SKAP1: variants seen among roughly 807,000 people sequenced by gnomAD.
SKAP1 encodes src kinase-associated phosphoprotein 1.
Under a neutral mutation model 58.5 loss-of-function variants are expected in SKAP1, and 44 were observed. The ratio of observed to expected loss-of-function variants is 0.75; its 90% CI spans 0.59 to 0.97. SKAP1 has a LOEUF of 0.97. SKAP1 is among the 50% of genes least tolerant of loss of function. The pLI is 0.00. For synonymous variants in SKAP1, 127 were observed against 149.7 expected, an observed-to-expected ratio of 0.85 and a Z score of 1.11; for missense variants, 390 against 435.2, an observed-to-expected ratio of 0.90 and a Z score of 0.92.
intron 3 of SKAP1, among the ~76,000 whole-genome samples, chr17:48,359,967 AT>A (rs2066916279): frequency 6.6e-6 from 1 of 152,226 alleles, no homozygotes; most frequent in African/African-American, 2.4e-5. Context: ...CCATTTCAAA[AT>A]GAGATTTTTA....
chr17:48,436,760 C>T, the SKAP1 span, among the ~76,000 whole-genome samples: 3 of 152,076 alleles, frequency 2.0e-5, no homozygotes, highest in African/African-American at 4.8e-5. Flanking sequence ...CTTTCTCCTC[C>T]GTCTCTTAAC....
upstream of SKAP1, among the ~76,000 whole-genome samples, chr17:48,433,781 G>C (rs905600939): frequency 1.3e-5 from 2 of 152,206 alleles, no homozygotes; most frequent in African/African-American, 4.8e-5. Flanking sequence ...CGCACTGTCA[G>C]CAGACAGAAG....
intron 2 of SKAP1, among the ~76,000 whole-genome samples, chr17:48,391,108 C>CA (rs1178319377): frequency 6.6e-6 from 1 of 151,960 alleles, no homozygotes; most frequent in Non-Finnish European, 1.5e-5. Context: ...ACAACAACAA[C>CA]AACATCAAAA....
intron 1 of SKAP1, among the ~76,000 whole-genome samples, chr17:48,405,455 TTTC>T (rs747245976): frequency 0.1 from 8,971 of 88,910 alleles, 308 homozygotes; most frequent in African/African-American, 0.16. Flanking sequence ...CTTTCTTTTC[TTTC>T]TTTCTTTCCT....
At chr17:48,220,720 G>C (rs1158142075) in intron 4 of SKAP1, among the ~76,000 whole-genome samples, 2 of 151,940 alleles carry the variant, frequency 1.3e-5, no homozygotes, top group Non-Finnish European at 2.9e-5. Flanking sequence ...GGGCGTGGTT[G>C]CACATGCCTG....
intron 11 of SKAP1, among the ~76,000 whole-genome samples, chr17:48,158,416 A>G (rs1211105823): frequency 4.0e-5 from 6 of 149,752 alleles, no homozygotes; most frequent in African/African-American, 1.5e-4. Context: ...AAAAGAAAAG[A>G]AATTAGCCAG....
At chr17:48,204,504 T>C (rs551072608) in intron 4 of SKAP1, 1 of 152,310 alleles carries the variant, frequency 6.6e-6, no homozygotes, top group African/African-American at 2.4e-5. Context: ...GTCCTAACTA[T>C]AAAGTCAAGA....
chr17:48,138,271 C>A (rs1438611798), intron 11 of SKAP1, among the ~76,000 whole-genome samples: 1 of 151,612 alleles, frequency 6.6e-6, no homozygotes, highest in African/African-American at 2.4e-5. Context: ...GTGGCAAGAT[C>A]TCAGCTCACT....
chr17:48,411,690 T>C (rs1422655733), intron 1 of SKAP1, among the ~76,000 whole-genome samples: 1 of 152,188 alleles, frequency 6.6e-6, no homozygotes, highest in Non-Finnish European at 1.5e-5. Context: ...ACACTTGACA[T>C]GATGGGACGA....
the SKAP1 span, among the ~76,000 whole-genome samples, chr17:48,437,564 G>A: frequency 3.3e-5 from 5 of 151,994 alleles, no homozygotes; most frequent in South Asian, 4.2e-4. Context: ...CCAACACAGC[G>A]AAATCCCATC....
intron 4 of SKAP1, among the ~76,000 whole-genome samples, chr17:48,268,264 T>TA (rs758430323): frequency 0.011 from 1,422 of 124,192 alleles, 8 homozygotes; most frequent in African/African-American, 0.019. Context: ...AAAGACTACT[T>TA]AAAAAAAAAA....
chr17:48,246,696 A>G (rs1218169854), intron 4 of SKAP1, among the ~76,000 whole-genome samples: 1 of 152,178 alleles, frequency 6.6e-6, no homozygotes, highest in African/African-American at 2.4e-5. Flanking sequence ...AACAGTGCAG[A>G]GATCTCTGAG....
intron 3 of SKAP1, among the ~76,000 whole-genome samples, chr17:48,354,363 TC>T (rs2066847394): frequency 6.6e-6 from 1 of 152,224 alleles, no homozygotes; most frequent in Non-Finnish European, 1.5e-5. Context: ...TGAAAAAGTA[TC>T]TCTTTATTTA....
At chr17:48,243,088 T>C (rs1172705441) in intron 4 of SKAP1, among the ~76,000 whole-genome samples, 2 of 152,228 alleles carry the variant, frequency 1.3e-5, no homozygotes, top group Admixed American at 1.3e-4. Flanking sequence ...TGGACTGTGA[T>C]GTAAAATGTA....
intron 4 of SKAP1, among the ~76,000 whole-genome samples, chr17:48,275,762 G>A (rs1264648887): frequency 6.6e-6 from 1 of 152,158 alleles, no homozygotes; most frequent in African/African-American, 2.4e-5. Context: ...TGCTGCTGCT[G>A]CTGCTATGAG....
rs2067018755 is a variant in SKAP1 at position 48,367,467 on chromosome 17, G to A, written c.153-3653C>T. ...AACCATGTAAGCCATGTAAGGTGAT[G>A]AATGTATTAATTAGTATGACTATGG... On this transcript the variant is annotated intron_variant, in intron 2 of 12. Coordinates refer to ENST00000336915, the MANE Select transcript of SKAP1 (RefSeq NM_003726.4). Among the ~76,000 whole-genome samples the A allele has an allele frequency of 2.0e-5, 3 of 146,724 alleles. No individual in the cohort carries two copies. The South Asian group carries it at 6.6e-4, about 32-fold the overall frequency.
At chr17:48,249,211 A>G (rs1390839138) in intron 4 of SKAP1, among the ~76,000 whole-genome samples, 1 of 152,272 alleles carries the variant, frequency 6.6e-6, no homozygotes, top group East Asian at 1.9e-4. Context: ...GGTCTAGCTT[A>G]CTCAGCTTTA....
chr17:48,165,759 T>C (rs947096885), intron 10 of SKAP1, among the ~76,000 whole-genome samples: 11 of 152,178 alleles, frequency 7.2e-5, no homozygotes, highest in African/African-American at 2.4e-4. Flanking sequence ...GGCTTGCCTC[T>C]ATGGGCTGGA....
intron 1 of SKAP1, among the ~76,000 whole-genome samples, chr17:48,408,241 T>C (rs12449855): frequency 0.092 from 14,036 of 152,174 alleles, 989 homozygotes; most frequent in African/African-American, 0.17. Context: ...AATGAAAAGT[T>C]GCTGAGAAAA....
Sources: allele counts gnomAD v4.1 joint callset (sites outside exome capture counted in the v4.1 genomes callset), GRCh38; gene constraint gnomAD v4.1.1; transcripts MANE v1.5; gene names NCBI Gene and HGNC (gene_info 2026-07-23, HGNC 2026-07-21).